Variants in AUTS2 observed in about 807,000 individuals in gnomAD.
AUTS2 encodes the protein autism susceptibility gene 2 protein.
A neutral mutation model predicts 112.4 loss-of-function variants in AUTS2; 17 were observed. The observed-to-expected ratio is 0.15, with a 90% confidence interval of 0.10 to 0.23. The LOEUF (loss-of-function observed/expected upper bound fraction) is 0.23, where lower values mean the gene tolerates loss of function less well. AUTS2 is among the 10% of genes least tolerant of loss of function. The pLI, the probability that AUTS2 is intolerant of heterozygous loss-of-function variation, is 1.00. For synonymous variants in AUTS2, 751 were observed against 702.7 expected (o/e 1.07, Z -1.09); for missense variants, 1,510 against 1,701.6 (o/e 0.89, Z 1.98).
chr7:70,788,132 CTTTT>C (rs113849206), intron 18 of AUTS2, among the ~76,000 whole-genome samples: 4 of 151,154 alleles, frequency 2.6e-5, no homozygotes, highest in Admixed American at 1.3e-4. Flanking sequence ...ACAAAAATGT[CTTTT>C]TTTTTTTCTT....
chr7:69,743,951 C>T (rs546998722), intron 1 of AUTS2, among the ~76,000 whole-genome samples: 1 of 151,442 alleles, frequency 6.6e-6, no homozygotes, highest in South Asian at 2.1e-4. Context: ...GCATGTGCCA[C>T]CTTGCTAGGC....
chr7:70,720,472 G>A (rs1019700954), intron 6 of AUTS2, among the ~76,000 whole-genome samples: 1 of 152,096 alleles, frequency 6.6e-6, no homozygotes, highest in African/African-American at 2.4e-5. Flanking sequence ...TCTTCCCCAC[G>A]GGCACAGAGC....
intron 1 of AUTS2, among the ~76,000 whole-genome samples, chr7:69,658,654 T>C (rs897302433): frequency 6.6e-5 from 10 of 152,178 alleles, no homozygotes; most frequent in African/African-American, 2.4e-4. Flanking sequence ...TCTTTCTTTG[T>C]TTGCTAAAGC....
chr7:70,269,946 G>A (rs889193710), intron 4 of AUTS2, among the ~76,000 whole-genome samples: 1 of 152,160 alleles, frequency 6.6e-6, no homozygotes, highest in African/African-American at 2.4e-5. Flanking sequence ...GGCCAAAGTG[G>A]AAGGATCGCT....
chr7:70,177,372 T>G (rs28582872), intron 4 of AUTS2, among the ~76,000 whole-genome samples: 12,217 of 152,062 alleles, frequency 0.08, 632 homozygotes, highest in African/African-American at 0.13. Context: ...GAGCCATGAT[T>G]TGAACTTAGC....
chr7:70,253,938 A>T (rs996865387), intron 4 of AUTS2, among the ~76,000 whole-genome samples: 2 of 152,058 alleles, frequency 1.3e-5, no homozygotes, highest in African/African-American at 2.4e-5. Context: ...TATGCTCTTG[A>T]TCCCTGGATT....
chr7:69,759,984 A>G (rs1400427639), intron 1 of AUTS2, among the ~76,000 whole-genome samples: 2 of 151,922 alleles, frequency 1.3e-5, no homozygotes, highest in East Asian at 3.9e-4. Context: ...CTAATAAATG[A>G]AAGAAAAAAG....
chr7:69,715,581 A>G (rs1289497667), intron 1 of AUTS2, among the ~76,000 whole-genome samples: 1 of 152,198 alleles, frequency 6.6e-6, no homozygotes, highest in Non-Finnish European at 1.5e-5. Context: ...CAGAAACTGC[A>G]GAGACATAGT....
At chr7:69,706,470 A>G (rs1227141807) in intron 1 of AUTS2, among the ~76,000 whole-genome samples, 1 of 152,194 alleles carries the variant, frequency 6.6e-6, no homozygotes, top group Non-Finnish European at 1.5e-5. Context: ...CTTGCTGAGC[A>G]CACCTAGGGT....
Position 70,620,164 on chromosome 7 carries a change from T to C in AUTS2, c.691-78405T>C, listed in dbSNP as rs1286075943. On this transcript the variant is annotated intron_variant, in intron 5 of 18. Transcript: ENST00000342771. ...TTCTTTACTCCTTAGCACATAGCAC[T>C]GGTACACCTCAATTTATAGAACAGA... Among the ~76,000 whole-genome samples the C allele has an allele frequency of 2.0e-5, 3 of 151,594 alleles. No homozygotes were observed. The East Asian group carries it at 5.8e-4, about 29-fold the overall frequency.
chr7:69,801,187 A>G (rs1438953627), intron 1 of AUTS2, among the ~76,000 whole-genome samples: 1 of 151,062 alleles, frequency 6.6e-6, no homozygotes, highest in African/African-American at 2.4e-5. Context: ...AAAGCATAAT[A>G]AAACAATATG....
chr7:69,838,508 C>G (rs1045256992), intron 1 of AUTS2, among the ~76,000 whole-genome samples: 1 of 152,092 alleles, frequency 6.6e-6, no homozygotes, highest in Non-Finnish European at 1.5e-5. Context: ...GGTGATAGAG[C>G]TGGGGTTTGT....
At chr7:69,712,095 T>C (rs1392630161) in intron 1 of AUTS2, among the ~76,000 whole-genome samples, 1 of 152,204 alleles carries the variant, frequency 6.6e-6, no homozygotes, top group Non-Finnish European at 1.5e-5. Context: ...CACTTCATCC[T>C]TCCCTCATCA....
chr7:70,169,375 C>T (rs573468168), intron 4 of AUTS2, among the ~76,000 whole-genome samples: 6 of 152,012 alleles, frequency 3.9e-5, no homozygotes, highest in South Asian at 4.2e-4. Context: ...CGAGTAGCTG[C>T]GGCTACAGAC....
chr7:69,606,209 G>C (rs536720018), intron 1 of AUTS2, among the ~76,000 whole-genome samples: 1 of 152,318 alleles, frequency 6.6e-6, no homozygotes, highest in Non-Finnish European at 1.5e-5. Flanking sequence ...TGTTGAGGGT[G>C]ATAGATTCTG....
chr7:70,261,120 A>G (rs188894443), intron 4 of AUTS2, among the ~76,000 whole-genome samples: 4 of 152,348 alleles, frequency 2.6e-5, no homozygotes, highest in Admixed American at 2.6e-4. Context: ...ATTACAGCAT[A>G]TAGAGATAAT....
At chr7:69,762,472 A>G (rs1485341466) in intron 1 of AUTS2, among the ~76,000 whole-genome samples, 1 of 151,494 alleles carries the variant, frequency 6.6e-6, no homozygotes, top group Non-Finnish European at 1.5e-5. Context: ...ACGCCTGGCT[A>G]ATTTTTTTGT....
intron 1 of AUTS2, among the ~76,000 whole-genome samples, chr7:69,677,278 A>G (rs1208527331): frequency 1.3e-5 from 2 of 152,184 alleles, no homozygotes; most frequent in Non-Finnish European, 2.9e-5. Context: ...ACTAATAGTG[A>G]TAACTGATGT....
chr7:69,878,494 G>C (rs188393269), intron 1 of AUTS2, among the ~76,000 whole-genome samples: 14 of 152,218 alleles, frequency 9.2e-5, no homozygotes, highest in Admixed American at 2.6e-4. Context: ...TGTCTCTCTT[G>C]AAAGTGGTGT....
Sources: allele counts gnomAD v4.1 joint callset (sites outside exome capture counted in the v4.1 genomes callset), GRCh38; gene constraint gnomAD v4.1.1; transcripts MANE v1.5; gene names NCBI Gene and HGNC (gene_info 2026-07-23, HGNC 2026-07-21).